PM20D2: variants seen among roughly 807,000 people sequenced by gnomAD.
PM20D2 encodes the protein peptidase M20 domain containing 2, also known as xaa-Arg dipeptidase.
In PM20D2, 33 loss-of-function variants were observed where a neutral mutation model predicts 42.9. The observed-to-expected ratio is 0.77, with a 90% CI of 0.58 to 1.03. The LOEUF (loss-of-function observed/expected upper bound fraction) is 1.03, where lower values mean the gene tolerates loss of function less well. Among genes scored for constraint, PM20D2 ranks in the 50% least tolerant of loss-of-function variants. The pLI is 0.00. For synonymous variants in PM20D2, 250 were observed against 228.2 expected (o/e 1.10, Z -0.86); for missense variants, 548 against 557.0 (o/e 0.98, Z 0.16).
rs1028675472 is a variant in PM20D2 at position 89,155,761 on chromosome 6, C to T, written c.912+859C>T. Among the ~76,000 whole-genome samples, 26 of 152,102 alleles carry T rather than the reference C, an allele frequency of 1.7e-4. No individual in the cohort carries two copies. In the East Asian group the frequency reaches 3.5e-3, roughly 20 times the overall value. ...TCTTGCTCTATTGCCCAGGCTGGAG[C>T]GCAGTGGTGCAATTTTGGCTCAACG... On this transcript the variant is annotated intron_variant, in intron 4 of 6. Transcript: ENST00000275072.
the PM20D2 span, among the ~76,000 whole-genome samples, chr6:89,104,674 G>A: frequency 1.4e-4 from 21 of 152,136 alleles, 1 homozygote; most frequent in South Asian, 4.1e-3. Flanking sequence ...ATGATAAATA[G>A]AGAAGAGTGT....
chr6:89,150,805 G>T (rs528679363), intron 2 of PM20D2, among the ~76,000 whole-genome samples: 2 of 151,524 alleles, frequency 1.3e-5, no homozygotes, highest in African/African-American at 4.8e-5. Context: ...CTCCCAAAGT[G>T]CTGGGGTTAC....
chr6:89,094,641 A>T, the PM20D2 span, among the ~76,000 whole-genome samples: 1 of 152,206 alleles, frequency 6.6e-6, no homozygotes, highest in Admixed American at 6.5e-5. Flanking sequence ...TCCTATTTTC[A>T]TCCAGGGAGT....
At chr6:89,094,781 CTT>C in the PM20D2 span, among the ~76,000 whole-genome samples, 1,834 of 138,822 alleles carry the variant, frequency 0.013, 16 homozygotes, top group Middle Eastern at 0.023. Flanking sequence ...TGCTACGCAT[CTT>C]TTTTTTTTTT....
At chr6:89,104,201 T>G in the PM20D2 span, among the ~76,000 whole-genome samples, 1 of 150,228 alleles carries the variant, frequency 6.7e-6, no homozygotes, top group Admixed American at 6.7e-5. Context: ...TAGGAAAATT[T>G]TATTTATCTA....
At chr6:89,159,359 T>C (rs1771157886) in intron 5 of PM20D2, among the ~76,000 whole-genome samples, 2 of 152,044 alleles carry the variant, frequency 1.3e-5, no homozygotes, top group South Asian at 4.1e-4. Flanking sequence ...AGAAGAAAAC[T>C]TACAGAAGAG....
chr6:89,160,185 G>A (rs1771188457), intron 5 of PM20D2, among the ~76,000 whole-genome samples: 2 of 152,092 alleles, frequency 1.3e-5, no homozygotes, highest in Admixed American at 1.3e-4. Context: ...GTGTGGAGCC[G>A]TTTCTGGCAC....
At chr6:89,140,629 C>T in the PM20D2 span, among the ~76,000 whole-genome samples, 1 of 152,164 alleles carries the variant, frequency 6.6e-6, no homozygotes, top group Non-Finnish European at 1.5e-5. Context: ...TTCTTGTTAA[C>T]CACAAGCTGG....
chr6:89,103,331 CTTTT>C, the PM20D2 span, among the ~76,000 whole-genome samples: 1 of 141,384 alleles, frequency 7.1e-6, no homozygotes, highest in Admixed American at 7.1e-5. Context: ...AATTTAAATT[CTTTT>C]TTTTTTTTTT....
intron 2 of PM20D2, among the ~76,000 whole-genome samples, chr6:89,150,581 T>C (rs1305780624): frequency 1.5e-5 from 2 of 131,706 alleles, no homozygotes; most frequent in Non-Finnish European, 3.1e-5. Flanking sequence ...ACTCAATTGC[T>C]CAGACTGGAG....
chr6:89,164,554 G>C lies in PM20D2; in HGVS notation c.*2291G>C, dbSNP rs1562267669. ...GGCAGGAGCGTGGACTTAAAACAAGGCTTGCTTATTTGGTTTTGTCAAAGT... is the reference window on the plus strand; with the variant it reads ...GGCAGGAGCGTGGACTTAAAACAAGCCTTGCTTATTTGGTTTTGTCAAAGT... On this transcript the variant is annotated 3_prime_UTR_variant, in exon 7 of 7. Transcript: ENST00000275072. 1 of 152,404 alleles carries C rather than the reference G, an allele frequency of 6.6e-6. No homozygotes were observed. Among genetic ancestry groups the C allele is most frequent in the South Asian group, 2.1e-4 (1 of 4,820 alleles). 9.4% of individuals were successfully genotyped at this position (152,404 alleles called of 1,614,324 possible). A position where few individuals can be genotyped will look rare whatever the true frequency, so the allele number is the denominator to read the frequency against.
Position 89,146,100 on chromosome 6 carries a change from G to A in PM20D2, c.-45G>A, listed in dbSNP as rs938772560. The A allele has an allele frequency of 2.9e-6, 4 of 1,371,388 alleles. No homozygotes were observed. Among genetic ancestry groups the A allele is most frequent in the Admixed American group, 3.4e-5 (1 of 29,486 alleles). 85.0% of individuals were successfully genotyped at this position (1,371,388 alleles called of 1,614,324 possible). ...GCGCGGGCGGTCGCTACCTGCGGCCGAGCCAGGGAGCGAGAGGGCGCAGAG... is the reference window on the plus strand; with the variant it reads ...GCGCGGGCGGTCGCTACCTGCGGCCAAGCCAGGGAGCGAGAGGGCGCAGAG... On this transcript the variant is annotated 5_prime_UTR_variant, in exon 1 of 7. Coordinates refer to ENST00000275072, the MANE Select transcript of PM20D2 (RefSeq NM_001010853.3).
chr6:89,154,859 C>T lies in PM20D2; in HGVS notation c.869C>T (p.Ala290Val). ...GAACTTCAAGTTTTGACCAAAAAGGCAGAAGATTGCTTCAGAGCTGCAGCT... is the reference window on the plus strand; with the variant it reads ...GAACTTCAAGTTTTGACCAAAAAGGTAGAAGATTGCTTCAGAGCTGCAGCT... The part of the protein sequence containing the change: ...MKELQVLTKK[A>V]EDCFRAAALA... The change falls in exon 4 of 7, where the codon GCA becomes GTA. Residue 290 changes from alanine to valine, a missense_variant. By Grantham distance (64) the Ala-to-Val change is moderately conservative. Around this residue, in one of 3 missense-constraint regions of PM20D2, gnomAD observed 470 missense variants for 464.4 expected, o/e 1.01. Transcript: ENST00000275072. 6.2e-7 allele frequency: 1 copy of T among 1,608,288 alleles called. No individual in the cohort carries two copies. Among genetic ancestry groups the T allele is most frequent in the Non-Finnish European group, 8.5e-7 (1 of 1,177,950 alleles).
intron 5 of PM20D2, among the ~76,000 whole-genome samples, chr6:89,160,176 T>C (rs1562261739): frequency 6.6e-6 from 1 of 152,192 alleles, no homozygotes; most frequent in East Asian, 1.9e-4. Flanking sequence ...ATCCTCAGTG[T>C]GTGGAGCCGT....
chr6:89,117,781 G>T, the PM20D2 span: 69 of 1,519,484 alleles, frequency 4.5e-5, no homozygotes, highest in African/African-American at 7.8e-4. Flanking sequence ...CTGTTACCCC[G>T]CCCCTCCTCC....
the PM20D2 span, among the ~76,000 whole-genome samples, chr6:89,134,341 G>A: frequency 1.3e-5 from 2 of 150,900 alleles, no homozygotes; most frequent in Non-Finnish European, 2.9e-5. Context: ...AGCTTCCTTC[G>A]GCCAAACACT....
At chr6:89,158,226 C>T (rs1562259602) in intron 4 of PM20D2, 99 bp from the exon 5 acceptor site, 6 of 1,100,226 alleles carry the variant, frequency 5.5e-6, no homozygotes, top group Non-Finnish European at 7.8e-6. Flanking sequence ...AGTATCTTCT[C>T]TTAAAACCTC....
the PM20D2 span, chr6:89,117,712 G>GAGGCTCCGCGCAGCTCCCCCGAGC: frequency 1.8e-6 from 2 of 1,104,064 alleles, no homozygotes; most frequent in East Asian, 6.7e-5. Flanking sequence ...GGCCCGCGGG[G>GAGGCTCCGCGCAGCTCCCCCGAGC]AGGCTCCGCG....
At chr6:89,160,603 C>A (rs905085972) in intron 5 of PM20D2, among the ~76,000 whole-genome samples, 1 of 152,164 alleles carries the variant, frequency 6.6e-6, no homozygotes, top group African/African-American at 2.4e-5. Context: ...TGTGTCAATC[C>A]TGTGAGAAGC....
Sources: gnomAD v4.1 joint callset for allele counts (sites outside exome capture counted in the v4.1 genomes callset) on GRCh38, gnomAD v4.1.1 for gene constraint, gnomAD v4.1.1 regional missense constraint, MANE v1.5 for transcripts, NCBI Gene and HGNC (gene_info 2026-07-23, HGNC 2026-07-21) for gene names.